Variants in SLC12A4 observed in about 807,000 individuals in gnomAD.
The protein encoded by SLC12A4 is electroneutral potassium-chloride cotransporter 1.
Under a neutral mutation model 119.2 loss-of-function variants are expected in SLC12A4, and 84 were observed. That is an observed-to-expected ratio of 0.70 (90% confidence interval 0.59 to 0.85). SLC12A4 has a LOEUF of 0.85. SLC12A4 is among the 40% of genes least tolerant of loss of function. The probability of loss-of-function intolerance (pLI) is 0.00; values close to 1 mark genes in which losing one functional copy is unlikely to be tolerated. For missense variants in SLC12A4, 1,298 were observed against 1,476.3 expected (o/e 0.88, Z 1.98); for synonymous variants, 599 against 604.6 (o/e 0.99, Z 0.14).
chr16:67,967,909 G>A (rs905380743), intron 1 of SLC12A4, among the ~76,000 whole-genome samples: 6 of 152,112 alleles, frequency 3.9e-5, no homozygotes, highest in Admixed American at 2.0e-4. Flanking sequence ...GATCTACACC[G>A]GCGCACTCAC....
chr16:67,968,455 C>G lies in SLC12A4; in HGVS notation c.99G>C (p.Glu33Asp), dbSNP rs779553998. 5.1e-6 allele frequency: 8 copies of G among 1,577,732 alleles called. No individual in the cohort carries two copies. Among genetic ancestry groups the G allele is most frequent in the African/African-American group, 2.8e-5 (2 of 71,722 alleles). ...LSWVDYGERA[E>D]LDDSDGHGNH... ...CGCCCTCACCGTCCGAGTCATCCAG[C>G]TCGGCGCGCTCCCCGTAGTCCACCC... Residue 33 changes from glutamate to aspartate, a missense_variant, in exon 1 of 24, where the codon GAG becomes GAC. Physicochemically the swap from Glu to Asp is conservative, Grantham distance 45. Transcript: ENST00000316341.
In SLC12A4 at chr16:67,945,008, G is replaced by A. The variant is rs77679343; in HGVS notation, c.3167-77C>T. On this transcript the variant is annotated intron_variant, in intron 23 of 23. Coordinates refer to ENST00000316341, the MANE Select transcript of SLC12A4 (RefSeq NM_005072.5). ...GCCACCTGGGCCATGCCCACCCAGG[G>A]GTGCCCAGGAGAGAAGCCGCTGGCT... The A allele has an allele frequency of 1.2e-3, 1,948 of 1,607,078 alleles. 18 individuals carry two copies. In the African/African-American group the frequency reaches 0.023, roughly 19 times the overall value.
chr16:67,950,215 G>T lies in SLC12A4; in HGVS notation c.1629+104C>A. The T allele has an allele frequency of 2.2e-6, 3 of 1,378,188 alleles. No homozygotes were observed. The highest frequency in any genetic ancestry group is 9.9e-7 in the Non-Finnish European group (1 of 1,014,556). The allele number at this position is 1,378,188 out of a possible 1,614,324, so 85.4% of individuals were successfully genotyped here. On this transcript the variant is annotated intron_variant, in intron 12 of 23. Coordinates refer to ENST00000316341, the MANE Select transcript of SLC12A4 (RefSeq NM_005072.5). This position sits in a 1 kb window ranked among gnomAD's most constrained non-coding sequence, Gnocchi z 4.3. Reference sequence around the variant, plus strand: ...CATGGATGGCCGCCTGGCCCCGGGGGCCAATAAGGGCAGGACGTGCTGCAT... The same window carrying T: ...CATGGATGGCCGCCTGGCCCCGGGGTCCAATAAGGGCAGGACGTGCTGCAT...
intron 5 of SLC12A4, 101 bp from the exon 6 acceptor site, chr16:67,954,874 G>C (rs1385746544): frequency 1.9e-5 from 28 of 1,456,306 alleles, no homozygotes; most frequent in Non-Finnish European, 2.4e-5. Flanking sequence ...GACAGGGACT[G>C]CTTTTCCTGT....
intron 17 of SLC12A4, 60 bp from the exon 18 acceptor site, chr16:67,946,693 TC>T: frequency 6.5e-7 from 1 of 1,545,492 alleles, no homozygotes. Context: ...CTGGGCTCCC[TC>T]CCAAGGCCCC....
intron 6 of SLC12A4, among the ~76,000 whole-genome samples, chr16:67,952,990 C>A (rs771282728): frequency 6.6e-6 from 1 of 150,668 alleles, no homozygotes; most frequent in African/African-American, 2.4e-5. Flanking sequence ...CCCAGCTACT[C>A]GGGAGGCTGA....
Position 67,951,553 on chromosome 16 carries a change from C to T in SLC12A4, c.1133-249G>A, listed in dbSNP as rs896165491. ...CGCCACTGCCCGCCTTCCACAGAGG[C>T]CTTTATGGATCCTGTGGGAACATCC... On this transcript the variant is annotated intron_variant, in intron 8 of 23. Transcript: ENST00000316341. The surrounding 1 kb of genome is among the most constrained non-coding windows in gnomAD (Gnocchi z 5.2). The T allele has an allele frequency of 1.6e-6, 1 of 609,744 alleles. No individual in the cohort carries two copies. The highest frequency in any genetic ancestry group is 3.0e-5 in the Admixed American group (1 of 33,664). The allele number at this position is 609,744 out of a possible 1,614,324, so 37.8% of individuals were successfully genotyped here.
intron 3 of SLC12A4, among the ~76,000 whole-genome samples, chr16:67,961,087 T>TTTGCATAGTTACATATCCCACAAATC (rs1438360567): frequency 6.6e-6 from 1 of 151,966 alleles, no homozygotes; most frequent in Non-Finnish European, 1.5e-5. Flanking sequence ...GATCTGGCAT[T>TTTGCATAGTTACATATCCCACAAATC]TTGCATAGTT....
Position 67,947,401 on chromosome 16 carries a change from G to A in SLC12A4, c.2002C>T (p.Leu668=), listed in dbSNP as rs60064020. The part of the protein sequence containing the change: ...EKEWGDGIRG[L]SLSAARYALL... ...GCGTAGCGGGCAGCGCTCAGGGACAGGCCTCGGATCCCGTCACCCCACTCC... is the reference window on the plus strand; with the variant it reads ...GCGTAGCGGGCAGCGCTCAGGGACAAGCCTCGGATCCCGTCACCCCACTCC... Residue 668 remains leucine, a synonymous_variant, in exon 16 of 24, where the codon CTG becomes TTG. Coordinates refer to ENST00000316341, the MANE Select transcript of SLC12A4 (RefSeq NM_005072.5). 1.8e-3 allele frequency: 2,968 copies of A among 1,612,822 alleles called. 50 individuals carry two copies. In the African/African-American group the frequency reaches 0.034, roughly 18 times the overall value.
At position 67,944,368 on chromosome 16, in the gene SLC12A4, A is replaced by G; in HGVS notation, c.*472T>C. ...TGTTTTATTGAAAAAGTCAGGCCTC[A>G]GCTCAGCTGTCTCCATTCGGCTCAG... On this transcript the variant is annotated 3_prime_UTR_variant, in exon 24 of 24. Transcript: ENST00000316341. This position sits in a 1 kb window ranked among gnomAD's most constrained non-coding sequence, Gnocchi z 6.6. 1.5e-6 allele frequency: 2 copies of G among 1,345,368 alleles called. No individual in the cohort carries two copies. Among genetic ancestry groups the G allele is most frequent in the East Asian group, 5.5e-5 (2 of 36,266 alleles). The allele number at this position is 1,345,368 out of a possible 1,614,324, so 83.3% of individuals were successfully genotyped here. A position where few individuals can be genotyped will look rare whatever the true frequency, so the allele number is the denominator to read the frequency against.
intron 5 of SLC12A4, 111 bp downstream of exon 5, chr16:67,957,631 C>A: frequency 8.2e-7 from 1 of 1,212,340 alleles, no homozygotes; most frequent in Non-Finnish European, 1.2e-6. Context: ...GGATTGGGAG[C>A]CCACTACAGA....
chr16:67,966,530 C>T (rs1005432555), intron 1 of SLC12A4, among the ~76,000 whole-genome samples: 6 of 152,356 alleles, frequency 3.9e-5, no homozygotes, highest in Admixed American at 3.9e-4. Context: ...GGTGACCCTC[C>T]TGATCCCTGT....
intron 1 of SLC12A4, chr16:67,966,626 A>AT (rs2030879269): frequency 7.8e-7 from 1 of 1,286,056 alleles, no homozygotes; most frequent in South Asian, 1.5e-5. Flanking sequence ...GAGCAAGCCC[A>AT]TCTAGGCCTC....
Position 67,943,771 on chromosome 16 carries a change from G to T in SLC12A4, c.*1069C>A. ...ACAACTGAGAGTCACAGTGTGGTGG[G>T]AGAAGGGACGTCATTCCTCTAAGGG... On this transcript the variant is annotated 3_prime_UTR_variant, in exon 24 of 24. Transcript: ENST00000316341. The surrounding 1 kb of genome is among the most constrained non-coding windows in gnomAD (Gnocchi z 4.6). 1 of 630,622 alleles carries T rather than the reference G, an allele frequency of 1.6e-6. No individual in the cohort carries two copies. The allele number at this position is 630,622 out of a possible 1,614,324, so 39.1% of individuals were successfully genotyped here. A position where few individuals can be genotyped will look rare whatever the true frequency, so the allele number is the denominator to read the frequency against.
intron 3 of SLC12A4, among the ~76,000 whole-genome samples, chr16:67,959,016 G>A (rs1195681942): frequency 6.6e-6 from 1 of 152,124 alleles, no homozygotes; most frequent in East Asian, 1.9e-4. Flanking sequence ...TCTATCACCA[G>A]CAGGCCCTGC....
intron 5 of SLC12A4, among the ~76,000 whole-genome samples, chr16:67,956,359 G>A (rs1475454101): frequency 1.3e-5 from 2 of 151,988 alleles, no homozygotes; most frequent in Admixed American, 6.6e-5. Flanking sequence ...CATTAATTAG[G>A]TTATGGTGTA....
rs2030166402 is a variant in SLC12A4 at position 67,954,922 on chromosome 16, G to C, written c.545-149C>G. 8.4e-6 allele frequency: 7 copies of C among 833,472 alleles called. No homozygotes were observed. In the South Asian group the frequency reaches 1.2e-4, roughly 14 times the overall value. 51.6% of individuals were successfully genotyped at this position (833,472 alleles called of 1,614,324 possible). On this transcript the variant is annotated intron_variant, in intron 5 of 23. Coordinates refer to ENST00000316341, the MANE Select transcript of SLC12A4 (RefSeq NM_005072.5). ...AGAGGGGCTGGGAGACCTACCCAGG[G>C]CTGCACGGTGGGTAAGCATCTAGGC...
At chr16:67,953,804 T>C (rs1482719157) in intron 6 of SLC12A4, among the ~76,000 whole-genome samples, 1 of 152,094 alleles carries the variant, frequency 6.6e-6, no homozygotes, top group Non-Finnish European at 1.5e-5. Flanking sequence ...AAATAAATAA[T>C]GATAGTATTG....
intron 14 of SLC12A4, 129 bp from the exon 15 acceptor site, chr16:67,947,917 G>C (rs1022563064): frequency 1.4e-6 from 2 of 1,467,726 alleles, no homozygotes; most frequent in Non-Finnish European, 1.9e-6. Context: ...GTCACTGGGT[G>C]TAAGACCTAG....
Sources: allele counts gnomAD v4.1 joint callset (sites outside exome capture counted in the v4.1 genomes callset), GRCh38; gene constraint gnomAD v4.1.1; non-coding constraint Gnocchi (gnomAD v3.1); transcripts MANE v1.5; gene names NCBI Gene and HGNC (gene_info 2026-07-23, HGNC 2026-07-21).